Variants in TTC34 observed in about 807,000 individuals in gnomAD.
TTC34 encodes the protein tetratricopeptide repeat protein 34.
TTC34 carries 44 observed loss-of-function variants against 40.7 expected under a neutral mutation model. That is an observed-to-expected ratio of 1.08 (90% CI 0.85 to 1.39). The LOEUF is 1.39. Ranked by LOEUF, TTC34 falls within the 40% of genes most tolerant of loss-of-function variation. TTC34 has a pLI of 0.00. For missense variants in TTC34, 884 were observed against 838.0 expected, an observed-to-expected ratio of 1.05 and a Z score of -0.68; for synonymous variants, 422 against 398.6, an observed-to-expected ratio of 1.06 and a Z score of -0.70.
chr1:2,648,020 T>C (rs1368049807), intron 6 of TTC34, among the ~76,000 whole-genome samples: 2 of 151,678 alleles, frequency 1.3e-5, no homozygotes, highest in Non-Finnish European at 2.9e-5. Context: ...TTTTTTTTCA[T>C]ATTCCTCTGC....
At chr1:2,699,961 A>C (rs1168632081) in intron 6 of TTC34, among the ~76,000 whole-genome samples, 2 of 58,408 alleles carry the variant, frequency 3.4e-5, no homozygotes, top group African/African-American at 9.8e-5. Flanking sequence ...CAGCCTGGAG[A>C]AATGCTCACA....
At chr1:2,749,944 GGCCTGGAACAGCACACACACCGCCA>G (rs1641262189) in intron 6 of TTC34, among the ~76,000 whole-genome samples, 36 of 17,208 alleles carry the variant, frequency 2.1e-3, no homozygotes, top group East Asian at 3.3e-3. Context: ...AGCATCTGAC[GGCCTGGAACAGCACACACACCGCCA>G]GGTGAGCATT....
At chr1:2,801,353 G>C (rs1245098325) in intron 1 of TTC34, among the ~76,000 whole-genome samples, 1 of 152,030 alleles carries the variant, frequency 6.6e-6, no homozygotes, top group African/African-American at 2.4e-5. Flanking sequence ...TTCGAGGGGG[G>C]CGCCGAGAGC....
At chr1:2,753,470 C>A (rs1209903285) in intron 6 of TTC34, among the ~76,000 whole-genome samples, 14 of 59,550 alleles carry the variant, frequency 2.4e-4, no homozygotes, top group African/African-American at 7.2e-4. Flanking sequence ...CAGGTGTGCA[C>A]GTGACAGCTT....
intron 6 of TTC34, among the ~76,000 whole-genome samples, chr1:2,686,464 T>A (rs1434404078): frequency 1.4e-5 from 2 of 140,788 alleles, no homozygotes; most frequent in Non-Finnish European, 3.0e-5. Context: ...TCTGACAGAC[T>A]GGAACAGCAC....
chr1:2,750,255 C>T (rs1641271251), intron 6 of TTC34, among the ~76,000 whole-genome samples: 1 of 146,914 alleles, frequency 6.8e-6, no homozygotes, highest in African/African-American at 2.6e-5. Context: ...CACAGGTGGG[C>T]ATCTGACAGC....
rs919164762 is a variant in TTC34 at position 2,796,946 on chromosome 1, C to T, written c.784+3098G>A. ...ACGCACACTCCTTGTCCTCTCCTTA[C>T]GGACATTGTGGCCACTCTCAGGGCT... On this transcript the variant is annotated intron_variant, in intron 2 of 8. Coordinates refer to ENST00000401095, the Ensembl canonical transcript of TTC34. This position sits in a 1 kb window ranked among gnomAD's most constrained non-coding sequence, Gnocchi z 4.5. Among the ~76,000 whole-genome samples the T allele has an allele frequency of 9.2e-5, 14 of 152,164 alleles. No individual in the cohort carries two copies. Among genetic ancestry groups the T allele is most frequent in the Non-Finnish European group, 1.0e-4 (7 of 68,040 alleles).
At chr1:2,756,587 C>A (rs1641512689) in intron 6 of TTC34, among the ~76,000 whole-genome samples, 271 of 49,340 alleles carry the variant, frequency 5.5e-3, no homozygotes, top group South Asian at 0.012. Flanking sequence ...GCACCCACAC[C>A]AACAGGTGAG....
intron 6 of TTC34, among the ~76,000 whole-genome samples, chr1:2,687,352 A>T (rs1570817490): frequency 6.9e-6 from 1 of 145,716 alleles, no homozygotes; most frequent in Non-Finnish European, 1.5e-5. Flanking sequence ...GACAGCCTGG[A>T]GCAGCACCCC....
chr1:2,642,977 C>T (rs1638938127), intron 8 of TTC34, among the ~76,000 whole-genome samples: 1 of 152,264 alleles, frequency 6.6e-6, no homozygotes, highest in Admixed American at 6.5e-5. Flanking sequence ...GGGACCGCCC[C>T]TCTCCGGGCG....
intron 8 of TTC34, among the ~76,000 whole-genome samples, chr1:2,643,669 C>T (rs919135096): frequency 6.6e-6 from 1 of 152,176 alleles, no homozygotes; most frequent in African/African-American, 2.4e-5. Flanking sequence ...GGCAGCGGCG[C>T]CCCCTCTGCA....
chr1:2,681,616 G>C (rs563055719), intron 6 of TTC34, among the ~76,000 whole-genome samples: 1 of 56,634 alleles, frequency 1.8e-5, no homozygotes, highest in Non-Finnish European at 3.7e-5. Flanking sequence ...GCCTGGAACC[G>C]CAGCCACACC....
In TTC34 at chr1:2,682,066, C is replaced by T. The variant is rs1289819052; in HGVS notation, c.2227-36503G>A. On this transcript the variant is annotated intron_variant, in intron 6 of 8. Transcript: ENST00000401095. ...TGACATTGTGGAGCAGCACCCCACA[C>T]CCACAGGTGAGCATCTGACAGCCTG... Among the ~76,000 whole-genome samples the T allele has an allele frequency of 4.1e-5, 5 of 123,130 alleles. 1 individual carries two copies. In the South Asian group the frequency reaches 1.2e-3, roughly 28 times the overall value. 80.8% of individuals were successfully genotyped at this position (123,130 alleles called of 152,430 possible).
intron 6 of TTC34, among the ~76,000 whole-genome samples, chr1:2,751,556 C>A (rs1471903056): frequency 3.8e-5 from 4 of 104,142 alleles, no homozygotes; most frequent in Non-Finnish European, 7.4e-5. Flanking sequence ...CAGCCTGCAA[C>A]AGCACGCACA....
chr1:2,752,279 A>T lies in TTC34; in HGVS notation c.2226+31330T>A, dbSNP rs1385169346. On this transcript the variant is annotated intron_variant, in intron 6 of 8. Transcript: ENST00000401095. ...AGCTGAGCCTCTGACAGCCTGGAAC[A>T]GCACCTTGCACCCCCAGGGGAGCAT... Among the ~76,000 whole-genome samples the T allele has an allele frequency of 5.0e-5, 5 of 99,730 alleles. 2 individuals carry two copies. Among genetic ancestry groups the T allele is most frequent in the African/African-American group, 2.5e-4 (5 of 20,240 alleles). 65.4% of individuals were successfully genotyped at this position (99,730 alleles called of 152,430 possible).
intron 6 of TTC34, among the ~76,000 whole-genome samples, chr1:2,692,292 G>A (rs149715640): frequency 1.6e-5 from 1 of 61,870 alleles, no homozygotes; most frequent in African/African-American, 5.4e-5. Flanking sequence ...ACAGCCTGGA[G>A]CAGCAGGCAC....
At chr1:2,643,168 A>C (rs1417210245) in intron 8 of TTC34, among the ~76,000 whole-genome samples, 1 of 151,572 alleles carries the variant, frequency 6.6e-6, no homozygotes, top group Non-Finnish European at 1.5e-5. Context: ...CCGACCCCAG[A>C]CTCCCCTGAG....
chr1:2,647,807 T>C (rs1639050510), intron 6 of TTC34, among the ~76,000 whole-genome samples: 1 of 151,828 alleles, frequency 6.6e-6, no homozygotes, highest in African/African-American at 2.4e-5. Context: ...TGAAACAGAG[T>C]TTTGTTTTTT....
chr1:2,688,505 C>G (rs1230017201), intron 6 of TTC34, among the ~76,000 whole-genome samples: 2 of 134,990 alleles, frequency 1.5e-5, no homozygotes, highest in African/African-American at 3.2e-5. Flanking sequence ...AGGTGAGCAT[C>G]TGACAGCCTG....
Sources: allele counts gnomAD v4.1 joint callset (sites outside exome capture counted in the v4.1 genomes callset), GRCh38; gene constraint gnomAD v4.1.1; non-coding constraint Gnocchi (gnomAD v3.1); transcripts MANE v1.5; gene names NCBI Gene and HGNC (gene_info 2026-07-23, HGNC 2026-07-21).